The following CTNNA3 variants were observed in gnomAD, a reference collection of about 807,000 sequenced individuals.
CTNNA3 encodes the protein catenin alpha-3.
Under a neutral mutation model 95.7 loss-of-function variants are expected in CTNNA3, and 76 were observed. The observed-to-expected ratio is 0.79, with a 90% CI of 0.66 to 0.96. CTNNA3 has a LOEUF of 0.96. Ranked by LOEUF, CTNNA3 falls within the 40% of genes least tolerant of loss-of-function variation. The pLI is 0.00. For missense variants in CTNNA3, 1,191 were observed against 1,089.8 expected, an observed-to-expected ratio of 1.09 and a Z score of -1.31; for synonymous variants, 431 against 374.4, an observed-to-expected ratio of 1.15 and a Z score of -1.74.
intron 5 of CTNNA3, among the ~76,000 whole-genome samples, chr10:67,329,995 C>T (rs967196478): frequency 6.6e-6 from 1 of 152,186 alleles, no homozygotes; most frequent in Non-Finnish European, 1.5e-5. Flanking sequence ...CATCCACATT[C>T]CAGGCAGCAG....
intron 12 of CTNNA3, among the ~76,000 whole-genome samples, chr10:66,329,107 C>A (rs974867064): frequency 6.6e-6 from 1 of 150,752 alleles, no homozygotes; most frequent in African/African-American, 2.4e-5. Flanking sequence ...TGTGCCATCA[C>A]ACTCTGCTAA....
intron 5 of CTNNA3, among the ~76,000 whole-genome samples, chr10:67,344,328 T>C (rs1842333813): frequency 1.3e-5 from 2 of 152,046 alleles, no homozygotes; most frequent in African/African-American, 2.4e-5. Flanking sequence ...TGTGTCTTTG[T>C]CTGGTTTTTG....
chr10:66,077,547 G>T (rs772455450), intron 14 of CTNNA3, among the ~76,000 whole-genome samples: 2 of 151,732 alleles, frequency 1.3e-5, no homozygotes, highest in Non-Finnish European at 3.0e-5. Flanking sequence ...CATAATAAAT[G>T]AGACTCATGA....
chr10:66,195,798 G>T (rs2086925468), intron 13 of CTNNA3, among the ~76,000 whole-genome samples: 1 of 152,108 alleles, frequency 6.6e-6, no homozygotes, highest in East Asian at 1.9e-4. Context: ...TATTTTTATG[G>T]TAAGAGGAAC....
At chr10:67,322,008 C>G (rs1841340411) in intron 5 of CTNNA3, among the ~76,000 whole-genome samples, 1 of 152,048 alleles carries the variant, frequency 6.6e-6, no homozygotes, top group African/African-American at 2.4e-5. Flanking sequence ...ACACAGATCA[C>G]AAACCTGTCA....
chr10:67,723,117 G>C (rs1001799092), intron 1 of CTNNA3, among the ~76,000 whole-genome samples: 1 of 151,342 alleles, frequency 6.6e-6, no homozygotes, highest in Non-Finnish European at 1.5e-5. Flanking sequence ...CTCCCAAGTA[G>C]CTGGGACTAC....
chr10:67,625,824 A>C (rs943492584), intron 2 of CTNNA3, among the ~76,000 whole-genome samples: 8 of 152,178 alleles, frequency 5.3e-5, no homozygotes, highest in African/African-American at 1.7e-4. Context: ...TTTGATTTCT[A>C]GTCAGGGAAC....
At chr10:67,558,894 C>A (rs537840762) in intron 3 of CTNNA3, among the ~76,000 whole-genome samples, 4 of 152,312 alleles carry the variant, frequency 2.6e-5, no homozygotes, top group South Asian at 2.1e-4. Flanking sequence ...GCTAGCACAT[C>A]AGGCTGAGAT....
chr10:66,829,303 T>A (rs965786408), intron 7 of CTNNA3, among the ~76,000 whole-genome samples: 3 of 152,166 alleles, frequency 2.0e-5, no homozygotes, highest in African/African-American at 7.2e-5. Context: ...AATATGCGAA[T>A]ACATTAATCT....
intron 5 of CTNNA3, among the ~76,000 whole-genome samples, chr10:67,251,732 T>C (rs1866117169): frequency 6.6e-6 from 1 of 152,104 alleles, no homozygotes; most frequent in Admixed American, 6.6e-5. Context: ...AATCTCAATA[T>C]AAATTACAGA....
chr10:67,227,435 A>G (rs1007852325), intron 5 of CTNNA3, among the ~76,000 whole-genome samples: 2 of 152,110 alleles, frequency 1.3e-5, no homozygotes, highest in African/African-American at 4.8e-5. Context: ...ACTTAAAGCA[A>G]CAGCAGCCAA....
At chr10:67,295,220 CAT>C (rs912865718) in intron 5 of CTNNA3, among the ~76,000 whole-genome samples, 3 of 152,104 alleles carry the variant, frequency 2.0e-5, no homozygotes, top group Admixed American at 6.6e-5. Context: ...TGTGAGAAAA[CAT>C]ATTTTAAATT....
Position 66,360,822 on chromosome 10 carries a change from TTTC to T in CTNNA3, c.1732+18327_1732+18329del, listed in dbSNP as rs1254659098. On this transcript the variant is annotated intron_variant, in intron 12 of 17. Coordinates refer to ENST00000433211, the MANE Select transcript of CTNNA3 (RefSeq NM_013266.4). ...CTTCCTTCCTTCCTTCCTTCCTTTC[TTTC>T]TTTCTTTCTTTCTTTCTTTCTTTCT... 8.1e-5 allele frequency among the ~76,000 whole-genome samples: 5 copies of T among 62,046 alleles called. No homozygotes were observed. The East Asian group carries it at 3.1e-3, about 38-fold the overall frequency. 40.7% of individuals were successfully genotyped at this position (62,046 alleles called of 152,430 possible).
chr10:65,962,756 T>C (rs2077875741), intron 17 of CTNNA3, among the ~76,000 whole-genome samples: 1 of 143,482 alleles, frequency 7.0e-6, no homozygotes, highest in Non-Finnish European at 1.5e-5. Flanking sequence ...CCTCCCTGTG[T>C]CCATGTGTTC....
intron 13 of CTNNA3, among the ~76,000 whole-genome samples, chr10:66,212,139 G>C (rs1314236134): frequency 1.3e-5 from 2 of 151,694 alleles, no homozygotes; most frequent in African/African-American, 2.4e-5. Context: ...GTAGGCACCC[G>C]CCACCACGCC....
chr10:66,880,084 C>T (rs758334864), intron 7 of CTNNA3, among the ~76,000 whole-genome samples: 5 of 152,016 alleles, frequency 3.3e-5, no homozygotes, highest in Non-Finnish European at 7.4e-5. Context: ...ACCAGGAAGA[C>T]AGTATGGAGA....
At chr10:66,074,177 A>G (rs2133616489) in intron 14 of CTNNA3, among the ~76,000 whole-genome samples, 1 of 151,950 alleles carries the variant, frequency 6.6e-6, no homozygotes, top group African/African-American at 2.4e-5. Context: ...ATGTAGTTAT[A>G]TTTTGTTTAT....
intron 3 of CTNNA3, among the ~76,000 whole-genome samples, chr10:67,597,141 T>C (rs1842956562): frequency 6.6e-6 from 1 of 152,206 alleles, no homozygotes; most frequent in South Asian, 2.1e-4. Flanking sequence ...AAAATGGCTA[T>C]TTTATCTTTC....
At chr10:67,237,494 C>T (rs1865541980) in intron 5 of CTNNA3, among the ~76,000 whole-genome samples, 1 of 151,594 alleles carries the variant, frequency 6.6e-6, no homozygotes, top group Admixed American at 6.6e-5. Context: ...AGAACTTACT[C>T]TAGTAACCAA....
Sources: allele counts gnomAD v4.1 joint callset (sites outside exome capture counted in the v4.1 genomes callset), GRCh38; gene constraint gnomAD v4.1.1; transcripts MANE v1.5; gene names NCBI Gene and HGNC (gene_info 2026-07-23, HGNC 2026-07-21).